The following LDB2 variants were observed in gnomAD, a reference collection of about 807,000 sequenced individuals.
LDB2 encodes LIM domain binding 2, also known as LIM domain-binding protein 2.
LDB2 carries 12 observed loss-of-function variants against 44.3 expected under a neutral mutation model. The observed-to-expected ratio is 0.27, with a 90% CI of 0.17 to 0.44. The LOEUF is 0.44. Ranked by LOEUF, LDB2 falls within the 20% of genes least tolerant of loss-of-function variation. LDB2 has a pLI of 1.00. For missense variants in LDB2, 344 were observed against 473.5 expected, an observed-to-expected ratio of 0.73 and a Z score of 2.54; for synonymous variants, 164 against 174.8, an observed-to-expected ratio of 0.94 and a Z score of 0.49.
At chr4:16,744,170 T>C (rs1291970606) in intron 2 of LDB2, among the ~76,000 whole-genome samples, 1 of 152,010 alleles carries the variant, frequency 6.6e-6, no homozygotes, top group East Asian at 1.9e-4. Flanking sequence ...TTTGTTTGTT[T>C]GTTTTAGACA....
chr4:16,814,822 C>A (rs1554034033), intron 1 of LDB2, among the ~76,000 whole-genome samples: 1 of 152,148 alleles, frequency 6.6e-6, no homozygotes, highest in Non-Finnish European at 1.5e-5. Context: ...ACAGGCAAAT[C>A]AGAGTTATTT....
At chr4:16,678,039 A>AG (rs1326194104) in intron 2 of LDB2, among the ~76,000 whole-genome samples, 1 of 152,216 alleles carries the variant, frequency 6.6e-6, no homozygotes, top group Non-Finnish European at 1.5e-5. Context: ...TCCATTTGAA[A>AG]GGAAGTTCCC....
intron 1 of LDB2, among the ~76,000 whole-genome samples, chr4:16,887,349 A>C (rs1178350932): frequency 6.6e-6 from 1 of 152,188 alleles, no homozygotes. Context: ...CTTGGGCTAG[A>C]TGATCTCATA....
At chr4:16,636,139 C>A (rs951414972) in intron 2 of LDB2, among the ~76,000 whole-genome samples, 1 of 152,174 alleles carries the variant, frequency 6.6e-6, no homozygotes, top group African/African-American at 2.4e-5. Flanking sequence ...TACACTGGGG[C>A]AAATCCTAAA....
intron 2 of LDB2, among the ~76,000 whole-genome samples, chr4:16,727,060 G>A (rs977701860): frequency 2.6e-5 from 4 of 152,110 alleles, no homozygotes; most frequent in Non-Finnish European, 5.9e-5. Context: ...ATAACTGCAC[G>A]GATTAAGAAA....
At chr4:16,798,723 G>A (rs779101911) in intron 1 of LDB2, among the ~76,000 whole-genome samples, 3 of 152,198 alleles carry the variant, frequency 2.0e-5, no homozygotes, top group African/African-American at 7.2e-5. Flanking sequence ...TCCCTACAAC[G>A]TGGAAGACTT....
chr4:16,588,566 C>G, intron 4 of LDB2, 144 bp downstream of exon 4: 1 of 809,412 alleles, frequency 1.2e-6, no homozygotes, highest in Admixed American at 3.0e-5. Flanking sequence ...CCGTTGAGAA[C>G]AAAACTCAAT....
intron 2 of LDB2, among the ~76,000 whole-genome samples, chr4:16,641,241 G>A (rs1735067506): frequency 1.3e-5 from 2 of 152,052 alleles, no homozygotes; most frequent in South Asian, 2.1e-4. Flanking sequence ...GTAGGAAACT[G>A]GTATTTCACA....
intron 5 of LDB2, among the ~76,000 whole-genome samples, chr4:16,522,662 T>G (rs1376819217): frequency 6.6e-6 from 1 of 152,132 alleles, no homozygotes; most frequent in Non-Finnish European, 1.5e-5. Flanking sequence ...GAAATGTAAA[T>G]ATACACACAC....
chr4:16,839,941 C>T (rs545435318), intron 1 of LDB2, among the ~76,000 whole-genome samples: 18 of 152,130 alleles, frequency 1.2e-4, no homozygotes, highest in East Asian at 5.8e-4. Flanking sequence ...TTTGGGCCTA[C>T]CTAAAGTGGC....
chr4:16,534,293 C>T (rs1731033050), intron 5 of LDB2, among the ~76,000 whole-genome samples: 1 of 152,156 alleles, frequency 6.6e-6, no homozygotes, highest in Non-Finnish European at 1.5e-5. Flanking sequence ...AGCCTCCATC[C>T]TAAACCCATG....
intron 2 of LDB2, among the ~76,000 whole-genome samples, chr4:16,673,478 G>C (rs564134992): frequency 6.6e-6 from 1 of 152,268 alleles, no homozygotes; most frequent in East Asian, 1.9e-4. Flanking sequence ...AAAAGGCTTA[G>C]GTCTTCTCAC....
intron 1 of LDB2, among the ~76,000 whole-genome samples, chr4:16,812,269 G>T (rs944070203): frequency 3.9e-5 from 6 of 152,092 alleles, no homozygotes; most frequent in African/African-American, 1.4e-4. Flanking sequence ...CCAGCCATTT[G>T]GGTGAGTGAC....
intron 2 of LDB2, among the ~76,000 whole-genome samples, chr4:16,732,377 G>A (rs1032470685): frequency 5.9e-5 from 9 of 152,160 alleles, no homozygotes; most frequent in Non-Finnish European, 1.0e-4. Context: ...TACTTCATTA[G>A]TGTGGATTTG....
intron 5 of LDB2, among the ~76,000 whole-genome samples, chr4:16,513,487 C>T (rs1258606496): frequency 2.0e-5 from 3 of 152,186 alleles, no homozygotes; most frequent in Admixed American, 6.5e-5. Flanking sequence ...CCTTTTATCT[C>T]TGTGTTCCTA....
chr4:16,854,286 C>G (rs1019851497), intron 1 of LDB2, among the ~76,000 whole-genome samples: 1 of 151,932 alleles, frequency 6.6e-6, no homozygotes, highest in African/African-American at 2.4e-5. Flanking sequence ...ATAAAGTTTA[C>G]TTTTAAAAAT....
chr4:16,838,348 T>G (rs1308363542), intron 1 of LDB2, among the ~76,000 whole-genome samples: 1 of 152,200 alleles, frequency 6.6e-6, no homozygotes, highest in Non-Finnish European at 1.5e-5. Context: ...GCTTGCTACC[T>G]CAAATCCCTC....
chr4:16,785,491 C>T (rs79402269), intron 1 of LDB2, among the ~76,000 whole-genome samples: 2,082 of 152,210 alleles, frequency 0.014, 35 homozygotes, highest in East Asian at 0.078. Context: ...ATTCCGACTC[C>T]GTAAACAGGC....
At chr4:16,785,092 G>T (rs982888219) in intron 1 of LDB2, among the ~76,000 whole-genome samples, 62 of 151,660 alleles carry the variant, frequency 4.1e-4, no homozygotes, top group Admixed American at 3.4e-3. Context: ...AGGTATGTGT[G>T]TATGTACGTA....
Sources: allele counts gnomAD v4.1 joint callset (sites outside exome capture counted in the v4.1 genomes callset), GRCh38; gene constraint gnomAD v4.1.1; transcripts MANE v1.5; gene names NCBI Gene and HGNC (gene_info 2026-07-23, HGNC 2026-07-21).